The following MAPK7 variants were observed in gnomAD, a reference collection of about 807,000 sequenced individuals.
MAPK7 encodes the protein mitogen-activated protein kinase 7, also known as BMK-1.
MAPK7 carries 30 observed loss-of-function variants against 56.9 expected under a neutral mutation model. The ratio of observed to expected loss-of-function variants is 0.53; its 90% CI spans 0.39 to 0.72. The LOEUF (loss-of-function observed/expected upper bound fraction) is 0.72, where lower values mean the gene tolerates loss of function less well. Among genes scored for constraint, MAPK7 ranks in the 30% least tolerant of loss-of-function variants. The pLI, the probability that MAPK7 is intolerant of heterozygous loss-of-function variation, is 0.00. For synonymous variants in MAPK7, 516 were observed against 449.3 expected (o/e 1.15, Z -1.88); for missense variants, 952 against 1,110.8 (o/e 0.86, Z 2.03).
chr17:19,379,418 T>G, intron 2 of MAPK7: 2 of 564,804 alleles, frequency 3.5e-6, no homozygotes, highest in Non-Finnish European at 6.3e-6. Flanking sequence ...AGAAATGTGT[T>G]CTGGAGCCAG....
In MAPK7 at chr17:19,381,195, G is replaced by A. The variant is rs368014787; in HGVS notation, c.986G>A (p.Arg329His). The change falls in exon 4 of 7, where the codon CGT (arginine) becomes CAT (histidine). Residue 329 changes from arginine to histidine, a missense_variant. Arg to His is a conservative substitution (Grantham distance 29, BLOSUM62 0). This residue lies in a region of MAPK7 where 429 missense variants were observed against 533.0 expected (regional missense o/e 0.80). Transcript: ENST00000395604. This position sits in a 1 kb window ranked among gnomAD's most constrained non-coding sequence, Gnocchi z 4.6. ...QALSLLGRML[R>H]FEPSARISAA... ...CTATCACTGCTGGGTCGCATGCTGC[G>A]TTTTGAGCCCAGCGCTCGCATCTCA... 62 of 1,613,988 alleles carry A rather than the reference G, an allele frequency of 3.8e-5. No homozygotes were observed. Among genetic ancestry groups the A allele is most frequent in the Non-Finnish European group, 5.3e-5 (62 of 1,180,050 alleles).
At chr17:19,379,439 A>G (rs192337946) in intron 2 of MAPK7, 57 of 556,550 alleles carry the variant, frequency 1.0e-4, no homozygotes, top group Non-Finnish European at 1.3e-5. Flanking sequence ...ACACTGGCAT[A>G]AGGAACTGGT....
At position 19,382,394 on chromosome 17, in the gene MAPK7, G is replaced by A. The variant is rs1275431592; in HGVS notation, c.2091G>A (p.Gly697=). ...CTGGCCTGCCGCCCCCAGACGCCGGGGGAGCCCCTCAGTCTTCCATGTCAG... is the reference window on the plus strand; with the variant it reads ...CTGGCCTGCCGCCCCCAGACGCCGGAGGAGCCCCTCAGTCTTCCATGTCAG... The part of the protein sequence containing the change: ...FPPGLPPPDA[G]GAPQSSMSES... The change falls in exon 5 of 7, where the codon GGG becomes GGA. Residue 697 remains glycine (G), a synonymous_variant. Coordinates refer to ENST00000395604, the MANE Select transcript of MAPK7 (RefSeq NM_002749.4). The A allele has an allele frequency of 1.2e-6, 2 of 1,613,136 alleles. No individual in the cohort carries two copies. Among genetic ancestry groups the A allele is most frequent in the East Asian group, 4.5e-5 (2 of 44,890 alleles).
In MAPK7 at chr17:19,381,220, A is replaced by G. The variant is rs145747415; in HGVS notation, c.1011A>G (p.Ser337=). The G allele has an allele frequency of 4.3e-6, 7 of 1,614,104 alleles. No homozygotes were observed. Among genetic ancestry groups the G allele is most frequent in the Non-Finnish European group, 5.9e-6 (7 of 1,180,026 alleles). Reference sequence around the variant, plus strand: ...GTTTTGAGCCCAGCGCTCGCATCTCAGCAGCTGCTGCCCTTCGCCACCCTT... The same window carrying G: ...GTTTTGAGCCCAGCGCTCGCATCTCGGCAGCTGCTGCCCTTCGCCACCCTT... ...MLRFEPSARI[S]AAAALRHPFL... Residue 337 remains serine, a synonymous_variant, in exon 4 of 7, where the codon TCA becomes TCG. Transcript: ENST00000395604. The surrounding 1 kb of genome is among the most constrained non-coding windows in gnomAD (Gnocchi z 4.6).
At position 19,378,713 on chromosome 17, in the gene MAPK7, C is replaced by A. The variant is rs1314170140; in HGVS notation, c.-6+83C>A. The A allele has an allele frequency of 7.2e-7, 1 of 1,393,646 alleles. No individual in the cohort carries two copies. Among genetic ancestry groups the A allele is most frequent in the Non-Finnish European group, 9.4e-7 (1 of 1,067,386 alleles). The allele number at this position is 1,393,646 out of a possible 1,614,324, so 86.3% of individuals were successfully genotyped here. ...CGCCTCGCCTACCCCTCCCCCGACC[C>A]TGGCGGGCCCCCGGCTCTGGGCCCG... On this transcript the variant is annotated intron_variant, in intron 1 of 6. Transcript: ENST00000395604. This position sits in a 1 kb window ranked among gnomAD's most constrained non-coding sequence, Gnocchi z 5.4.
At chr17:19,383,013 C>G (rs1912856103) in intron 6 of MAPK7, 65 bp from the exon 7 acceptor site, 1 of 1,611,952 alleles carries the variant, frequency 6.2e-7, no homozygotes, top group Admixed American at 1.7e-5. Flanking sequence ...AGGAGACATG[C>G]ACCTGTGGGA....
At chr17:19,380,438 T>C in intron 3 of MAPK7, 170 bp from the exon 4 acceptor site, 1 of 1,409,564 alleles carries the variant, frequency 7.1e-7, no homozygotes, top group Non-Finnish European at 9.2e-7. Flanking sequence ...GGAAAAGTCG[T>C]AGAGAATCTA....
Position 19,383,237 on chromosome 17 carries a change from C to G in MAPK7, c.*6C>G, listed in dbSNP as rs1384430202. ...CTGACCTCCAGGACCCCTGAGGCCC[C>G]CAGCCTGTGCCTTGCTGCCACAGTA... On this transcript the variant is annotated 3_prime_UTR_variant, in exon 7 of 7. Coordinates refer to ENST00000395604, the MANE Select transcript of MAPK7 (RefSeq NM_002749.4). 6.2e-7 allele frequency: 1 copy of G among 1,613,608 alleles called. No homozygotes were observed. Among genetic ancestry groups the G allele is most frequent in the Non-Finnish European group, 8.5e-7 (1 of 1,179,702 alleles).
At chr17:19,380,485 C>G (rs892570353) in intron 3 of MAPK7, 123 bp from the exon 4 acceptor site, 1 of 1,469,742 alleles carries the variant, frequency 6.8e-7, no homozygotes, top group African/African-American at 1.4e-5. Flanking sequence ...TGCCGTCAGC[C>G]CCTATGGGGT....
intron 6 of MAPK7, 56 bp from the exon 7 acceptor site, chr17:19,383,022 G>C: frequency 6.2e-7 from 1 of 1,612,376 alleles, no homozygotes; most frequent in Non-Finnish European, 8.5e-7. Context: ...GCACCTGTGG[G>C]ATGGGTGAGG....
intron 5 of MAPK7, among the ~76,000 whole-genome samples, 167 bp downstream of exon 5, chr17:19,382,633 G>T (rs1912817612): frequency 6.6e-6 from 1 of 152,246 alleles, no homozygotes; most frequent in South Asian, 2.1e-4. Flanking sequence ...AGGTTGTTAG[G>T]AGACAAGTTA....
In MAPK7 at chr17:19,382,482, A is replaced by G; in HGVS notation, c.2163+16A>G. 2 of 1,565,872 alleles carry G rather than the reference A, an allele frequency of 1.3e-6. No homozygotes were observed. Among genetic ancestry groups the G allele is most frequent in the African/African-American group, 1.4e-5 (1 of 73,722 alleles). On this transcript the variant is annotated intron_variant, in intron 5 of 6. Transcript: ENST00000395604. ...TAAGTCACAGGTGAGAGGGAGGCCC[A>G]GGCCATGGGGACACCTGGGTCTGGG...
At chr17:19,379,739 C>T (rs374346321) in intron 2 of MAPK7, 43 bp from the exon 3 acceptor site, 1 of 1,594,354 alleles carries the variant, frequency 6.3e-7, no homozygotes, top group Non-Finnish European at 8.6e-7. Flanking sequence ...TCTGCAGTTT[C>T]TCCAAGGTAT....
At chr17:19,378,274 G>C (rs533573961), upstream of MAPK7, 222 of 985,940 alleles carry the variant, frequency 2.3e-4, 1 homozygote, top group South Asian at 9.0e-3. The surrounding 1 kb of genome is among the most constrained non-coding windows in gnomAD (Gnocchi z 5.4). Context: ...GTTTGAAGGC[G>C]GTGCAGGGCG....
chr17:19,381,351 T>A lies in MAPK7; in HGVS notation c.1142T>A (p.Ile381Asn). ...ALTRERIKEA[I>N]VAEIEDFHAR... ...ACTCGGGAGCGCATTAAGGAGGCCA[T>A]TGTGGCTGAAATTGAGGACTTCCAT... Residue 381 changes from isoleucine to asparagine, a missense_variant, in exon 4 of 7, where the codon ATT (isoleucine) becomes AAT (asparagine). By Grantham distance (149) the Ile-to-Asn change is moderately radical. Coordinates refer to ENST00000395604, the MANE Select transcript of MAPK7 (RefSeq NM_002749.4). This position sits in a 1 kb window ranked among gnomAD's most constrained non-coding sequence, Gnocchi z 4.6. 1.2e-6 allele frequency: 2 copies of A among 1,614,028 alleles called. No individual in the cohort carries two copies. Among genetic ancestry groups the A allele is most frequent in the East Asian group, 4.5e-5 (2 of 44,894 alleles).
In MAPK7 at chr17:19,378,701, C is replaced by G; in HGVS notation, c.-6+71C>G. 1 of 1,406,580 alleles carries G rather than the reference C, an allele frequency of 7.1e-7. No homozygotes were observed. The allele number at this position is 1,406,580 out of a possible 1,614,324, so 87.1% of individuals were successfully genotyped here. A position where few individuals can be genotyped will look rare whatever the true frequency, so the allele number is the denominator to read the frequency against. ...CTTCCTGGCCCGCGCCTCGCCTACC[C>G]CTCCCCCGACCCTGGCGGGCCCCCG... On this transcript the variant is annotated intron_variant, in intron 1 of 6. Coordinates refer to ENST00000395604, the MANE Select transcript of MAPK7 (RefSeq NM_002749.4). This position sits in a 1 kb window ranked among gnomAD's most constrained non-coding sequence, Gnocchi z 5.4.
rs1156840055 is a variant in MAPK7, at chr17:19,383,284, G to A, written c.*53G>A. 3 of 1,592,604 alleles carry A rather than the reference G, an allele frequency of 1.9e-6. No homozygotes were observed. Among genetic ancestry groups the A allele is most frequent in the Non-Finnish European group, 8.6e-7 (1 of 1,165,336 alleles). On this transcript the variant is annotated 3_prime_UTR_variant, in exon 7 of 7. Coordinates refer to ENST00000395604, the MANE Select transcript of MAPK7 (RefSeq NM_002749.4). Reference sequence around the variant, plus strand: ...AGTAGACCTAGTTCCAGGATCCATGGGAGCATTCTCAAAGGCTTTAGCCCT... The same window carrying A: ...AGTAGACCTAGTTCCAGGATCCATGAGAGCATTCTCAAAGGCTTTAGCCCT...
chr17:19,377,942 T>G (rs1255571515), upstream of MAPK7: 1 of 985,116 alleles, frequency 1.0e-6, no homozygotes, highest in Non-Finnish European at 1.2e-6. Flanking sequence ...AGTGGAGGGT[T>G]CGGCCGGACG....
At chr17:19,382,605 A>G (rs1221270197) in intron 5 of MAPK7, 139 bp downstream of exon 5, 6 of 1,482,520 alleles carry the variant, frequency 4.0e-6, no homozygotes, top group Non-Finnish European at 5.4e-6. Flanking sequence ...TCACAGAAGG[A>G]GCATAATGGC....
Sources: allele counts gnomAD v4.1 joint callset (sites outside exome capture counted in the v4.1 genomes callset), GRCh38; gene constraint gnomAD v4.1.1; regional missense constraint gnomAD v4.1.1; non-coding constraint Gnocchi (gnomAD v3.1); transcripts MANE v1.5; gene names NCBI Gene and HGNC (gene_info 2026-07-23, HGNC 2026-07-21).